The following SENP5 variants were observed in gnomAD, a reference collection of about 807,000 sequenced individuals.
SENP5 encodes sentrin-specific protease 5.
Under a neutral mutation model 74.2 loss-of-function variants are expected in SENP5, and 21 were observed. The ratio of observed to expected loss-of-function variants is 0.28; its 90% CI spans 0.20 to 0.41. SENP5 has a LOEUF of 0.41. Among genes scored for constraint, SENP5 ranks in the 10% least tolerant of loss-of-function variants. The pLI is 1.00. For synonymous variants in SENP5, 311 were observed against 312.7 expected (o/e 0.99, Z 0.06); for missense variants, 717 against 889.1 (o/e 0.81, Z 2.46).
chr3:196,928,360 C>T (rs1437230609), intron 8 of SENP5, among the ~76,000 whole-genome samples: 3 of 152,246 alleles, frequency 2.0e-5, no homozygotes, highest in African/African-American at 7.2e-5. Flanking sequence ...GACATTCAAA[C>T]TGTGGGGCAG....
At chr3:196,871,732 G>A (rs756652324) in intron 1 of SENP5, among the ~76,000 whole-genome samples, 6 of 151,510 alleles carry the variant, frequency 4.0e-5, no homozygotes, top group African/African-American at 7.3e-5. Flanking sequence ...GCACACACTC[G>A]TACTCCTAGC....
intron 2 of SENP5, among the ~76,000 whole-genome samples, chr3:196,894,365 C>T (rs563672989): frequency 1.2e-4 from 18 of 151,732 alleles, no homozygotes; most frequent in Non-Finnish European, 2.5e-4. Flanking sequence ...TCAGGTGATC[C>T]GCCCGCCTTA....
Position 196,931,199 on chromosome 3 carries a change from C to T in SENP5, c.*276C>T. 1 of 276,658 alleles carries T rather than the reference C, an allele frequency of 3.6e-6. No individual in the cohort carries two copies. The highest frequency in any genetic ancestry group is 6.9e-5 in the East Asian group (1 of 14,526). The allele number at this position is 276,658 out of a possible 1,614,324, so 17.1% of individuals were successfully genotyped here. A position where few individuals can be genotyped will look rare whatever the true frequency, so the allele number is the denominator to read the frequency against. On this transcript the variant is annotated 3_prime_UTR_variant, in exon 10 of 10. Coordinates refer to ENST00000323460, the MANE Select transcript of SENP5 (RefSeq NM_152699.5). ...AACGCATGCATATAGACAGAGCATG[C>T]AGTGAAGAGTATTAAAAAAAAAAGC... is the stretch of plus-strand genomic sequence containing the variant.
chr3:196,873,304 C>G (rs930855443), intron 1 of SENP5, among the ~76,000 whole-genome samples: 1 of 151,618 alleles, frequency 6.6e-6, no homozygotes, highest in African/African-American at 2.4e-5. Context: ...AACTCCTGAC[C>G]TCAGGTGATT....
intron 6 of SENP5, among the ~76,000 whole-genome samples, chr3:196,907,161 G>A (rs1189561967): frequency 1.3e-5 from 2 of 152,110 alleles, no homozygotes; most frequent in Non-Finnish European, 2.9e-5. Flanking sequence ...TGCTACTTAA[G>A]CAGGAAAAGC....
rs1361200259 is a variant in SENP5 at position 196,874,250 on chromosome 3, A to G, written c.-32+6177A>G. On this transcript the variant is annotated intron_variant, in intron 1 of 9. Transcript: ENST00000323460. ...GCTTAATCTGCAGTCTTTATCCAGA[A>G]GTAAAGTGCTTCATCAGAATTTAAA... Among the ~76,000 whole-genome samples the G allele has an allele frequency of 5.1e-5, 5 of 98,484 alleles. No homozygotes were observed. The Admixed American group carries it at 5.8e-4, about 11-fold the overall frequency. The allele number at this position is 98,484 out of a possible 152,430, so 64.6% of individuals were successfully genotyped here.
At position 196,868,038 on chromosome 3, in the gene SENP5, C is replaced by A. The variant is rs1694686869; in HGVS notation, c.-67C>A. ...GTCCAGGCTGCTGCCGCGACGGGGC[C>A]GGCGGCGGGGCAGCTGCCAGGAACG... is the stretch of plus-strand genomic sequence containing the variant. On this transcript the variant is annotated 5_prime_UTR_variant, in exon 1 of 10. Transcript: ENST00000323460. 6.6e-6 allele frequency: 1 copy of A among 152,216 alleles called. No individual in the cohort carries two copies. 9.4% of individuals were successfully genotyped at this position (152,216 alleles called of 1,614,324 possible). A position where few individuals can be genotyped will look rare whatever the true frequency, so the allele number is the denominator to read the frequency against.
chr3:196,885,590 T>G lies in SENP5; in HGVS notation c.409T>G (p.Leu137Val), dbSNP rs1713923256. The change falls in exon 2 of 10, where the codon TTG becomes GTG. Residue 137 changes from leucine (L) to valine (V), a missense_variant. Around this residue, in one of 4 missense-constraint regions of SENP5, gnomAD observed 567 missense variants for 577.4 expected, o/e 0.98. Transcript: ENST00000323460. ...DHEYCREKNL[L>V]KAVTDFPSNS... ...TGAATACTGCAGAGAGAAAAATCTCTTGAAGGCAGTTACTGACTTTCCATC... is the reference window on the plus strand; with the variant it reads ...TGAATACTGCAGAGAGAAAAATCTCGTGAAGGCAGTTACTGACTTTCCATC... 1.2e-6 allele frequency: 2 copies of G among 1,614,068 alleles called. No homozygotes were observed. Among genetic ancestry groups the G allele is most frequent in the South Asian group, 2.2e-5 (2 of 91,090 alleles).
intron 1 of SENP5, among the ~76,000 whole-genome samples, chr3:196,871,177 A>G (rs1186303286): frequency 6.6e-6 from 1 of 152,160 alleles, no homozygotes; most frequent in East Asian, 1.9e-4. Context: ...CTCAGAAAAA[A>G]AAACAAAAAA....
At chr3:196,913,420 ATT>A (rs1348441274) in intron 6 of SENP5, 1 of 151,450 alleles carries the variant, frequency 6.6e-6, no homozygotes. Context: ...ATCCAAGAAA[ATT>A]AGCTGGGTGT....
rs780566452 is a variant in SENP5 at position 196,885,898 on chromosome 3, T to C, written c.717T>C (p.Ile239=). ...PLMMYEKLSM[I]RFRYRILRSQ... ...TGATGTATGAGAAATTATCCATGAT[T>C]AGATTTCGGTACAGGATTCTCAGAT... Residue 239 remains isoleucine (I), a synonymous_variant, in exon 2 of 10, where the codon ATT becomes ATC. Transcript: ENST00000323460. The C allele has an allele frequency of 8.7e-6, 14 of 1,613,648 alleles. No individual in the cohort carries two copies. The highest frequency in any genetic ancestry group is 8.4e-5 in the Admixed American group (5 of 59,818).
intron 6 of SENP5, among the ~76,000 whole-genome samples, chr3:196,905,390 C>T (rs192244359): frequency 8.5e-5 from 13 of 152,286 alleles, no homozygotes; most frequent in African/African-American, 1.2e-4. Flanking sequence ...GACAGTGCCA[C>T]GTCCCATAGT....
intron 4 of SENP5, 142 bp from the exon 5 acceptor site, chr3:196,900,223 A>G: frequency 1.9e-6 from 2 of 1,043,212 alleles, no homozygotes; most frequent in African/African-American, 1.6e-5. Flanking sequence ...TACTATTGGC[A>G]GTAATAATAT....
At chr3:196,910,581 C>T (rs1196185778) in intron 6 of SENP5, among the ~76,000 whole-genome samples, 2 of 151,750 alleles carry the variant, frequency 1.3e-5, no homozygotes, top group East Asian at 1.9e-4. Context: ...GTCCTGACCT[C>T]GTGATCCGCC....
intron 1 of SENP5, among the ~76,000 whole-genome samples, chr3:196,877,091 G>A (rs1349068341): frequency 3.3e-5 from 5 of 151,980 alleles, no homozygotes; most frequent in Non-Finnish European, 7.4e-5. Context: ...AGGTTGAGGT[G>A]GGAAGATCGT....
At chr3:196,896,402 T>C (rs973462385) in intron 2 of SENP5, among the ~76,000 whole-genome samples, 1 of 152,200 alleles carries the variant, frequency 6.6e-6, no homozygotes, top group East Asian at 1.9e-4. Flanking sequence ...TTAAGTGCCC[T>C]TGGGGAGGTA....
chr3:196,899,569 G>A lies in SENP5; in HGVS notation c.1514-97G>A, dbSNP rs116483720. 2,389 of 706,314 alleles carry A rather than the reference G, an allele frequency of 3.4e-3. 14 individuals are homozygous for A. Among genetic ancestry groups the A allele is most frequent in the Non-Finnish European group, 5.0e-3 (1,962 of 392,494 alleles). The allele number at this position is 706,314 out of a possible 1,614,324, so 43.8% of individuals were successfully genotyped here. A position where few individuals can be genotyped will look rare whatever the true frequency, so the allele number is the denominator to read the frequency against. On this transcript the variant is annotated intron_variant, in intron 2 of 9. Transcript: ENST00000323460. ...TAGTAATATAGGTTAACCACTGTATGTGTTAAGTGCTGTGTATAGGTTAAG... is the reference window on the plus strand; with the variant it reads ...TAGTAATATAGGTTAACCACTGTATATGTTAAGTGCTGTGTATAGGTTAAG...
At chr3:196,908,897 CAAG>C (rs570295681) in intron 6 of SENP5, among the ~76,000 whole-genome samples, 134 of 152,054 alleles carry the variant, frequency 8.8e-4, no homozygotes, top group African/African-American at 3.2e-3. Flanking sequence ...TAGCAGAAAA[CAAG>C]AAATAACTAA....
chr3:196,886,708 CT>C lies in SENP5; in HGVS notation c.1513+17del, dbSNP rs777737804. On this transcript the variant is annotated intron_variant, in intron 2 of 9. Coordinates refer to ENST00000323460, the MANE Select transcript of SENP5 (RefSeq NM_152699.5). ...TCTGTCTTTCTGGTATGCACTTTTC[CT>C]TTATTCTCCCTCAAACTCCAAGCTC... 1.2e-5 allele frequency: 18 copies of C among 1,513,580 alleles called. No homozygotes were observed. Among genetic ancestry groups the C allele is most frequent in the Non-Finnish European group, 1.5e-5 (17 of 1,133,018 alleles). 93.8% of individuals were successfully genotyped at this position (1,513,580 alleles called of 1,614,324 possible).
Sources: allele counts gnomAD v4.1 joint callset (sites outside exome capture counted in the v4.1 genomes callset), GRCh38; gene constraint gnomAD v4.1.1; regional missense constraint gnomAD v4.1.1; transcripts MANE v1.5; gene names NCBI Gene and HGNC (gene_info 2026-07-23, HGNC 2026-07-21).